The following RAB3B variants were observed in gnomAD, a reference collection of about 807,000 sequenced individuals.
The protein encoded by RAB3B is RAB3B, member RAS oncogene family, also known as ras-related protein Rab-3B.
A neutral mutation model predicts 20.5 loss-of-function variants in RAB3B; 11 were observed. That is an observed-to-expected ratio of 0.54 (90% confidence interval 0.34 to 0.89). The LOEUF (loss-of-function observed/expected upper bound fraction) is 0.89, where lower values mean the gene tolerates loss of function less well. Among genes scored for constraint, RAB3B ranks in the 40% least tolerant of loss-of-function variants. RAB3B has a pLI of 0.02. For missense variants in RAB3B, 225 were observed against 280.9 expected, an observed-to-expected ratio of 0.80 and a Z score of 1.42; for synonymous variants, 99 against 106.3, an observed-to-expected ratio of 0.93 and a Z score of 0.42.
intron 2 of RAB3B, among the ~76,000 whole-genome samples, chr1:51,955,147 C>A (rs947646208): frequency 6.6e-6 from 1 of 152,216 alleles, no homozygotes; most frequent in African/African-American, 2.4e-5. Context: ...TTCTTGTCAT[C>A]TCATGAGTTC....
Position 51,967,521 on chromosome 1 carries a change from C to CTTTTTTTTTTTTTCTTTTTT in RAB3B, c.228+9368_228+9369insAAAAAAGAAAAAAAAAAAAA, listed in dbSNP as rs771044746. Among the ~76,000 whole-genome samples the CTTTTTTTTTTTTTCTTTTTT allele has an allele frequency of 1.1e-4, 4 of 36,498 alleles. 1 individual carries two copies. The highest frequency in any genetic ancestry group is 1.7e-4 in the Non-Finnish European group (3 of 17,440). The allele number at this position is 36,498 out of a possible 152,430, so 23.9% of individuals were successfully genotyped here. On this transcript the variant is annotated intron_variant, in intron 2 of 4. Coordinates refer to ENST00000371655, the MANE Select transcript of RAB3B (RefSeq NM_002867.4). Reference sequence around the variant, plus strand: ...TTCCTTTTTCTTTTCTTTTCTTTTTCTTTTTTTTTTTTTTTTTTGAGATAG... The same window carrying CTTTTTTTTTTTTTCTTTTTT: ...TTCCTTTTTCTTTTCTTTTCTTTTTCTTTTTTTTTTTTTCTTTTTTTTTTTTTTTTTTTTTTTTGAGATAG...
chr1:51,969,614 A>T (rs1179834468), intron 2 of RAB3B, among the ~76,000 whole-genome samples: 1 of 62,312 alleles, frequency 1.6e-5, no homozygotes, highest in Non-Finnish European at 5.7e-5. Context: ...AATGAGTAAT[A>T]AGGCTTTTTT....
At chr1:51,960,052 C>A (rs1684765348) in intron 2 of RAB3B, among the ~76,000 whole-genome samples, 1 of 152,022 alleles carries the variant, frequency 6.6e-6, no homozygotes, top group Non-Finnish European at 1.5e-5. Context: ...GGATTTTAGG[C>A]ACTGGAGTGA....
At position 51,937,387 on chromosome 1, in the gene RAB3B, C is replaced by G. The variant is rs774989673; in HGVS notation, c.254G>C (p.Arg85Pro). 1 of 1,608,728 alleles carries G rather than the reference C, an allele frequency of 6.2e-7. No homozygotes were observed. Among genetic ancestry groups the G allele is most frequent in the African/African-American group, 1.3e-5 (1 of 74,648 alleles). Reference protein sequence around the residue: ...IWDTAGQERYRTITTAYYRGA... With the variant: ...IWDTAGQERYPTITTAYYRGA... ...ACGGTAATAGGCTGTTGTGATGGTC[C>G]GGTACCGCTCCTGCCCAGCTGTGTC... The change falls in exon 3 of 5, where the codon CGG becomes CCG. Residue 85 changes from arginine (R) to proline (P), a missense_variant. By Grantham distance (103) the Arg-to-Pro change is moderately radical. Coordinates refer to ENST00000371655, the MANE Select transcript of RAB3B (RefSeq NM_002867.4).
chr1:51,949,451 C>G (rs577246482), intron 2 of RAB3B, among the ~76,000 whole-genome samples: 2 of 152,330 alleles, frequency 1.3e-5, no homozygotes, highest in South Asian at 4.1e-4. Context: ...TGAGGGCAAG[C>G]TTCCAGCACA....
intron 2 of RAB3B, among the ~76,000 whole-genome samples, chr1:51,973,749 G>A (rs1353383000): frequency 1.3e-5 from 2 of 152,058 alleles, no homozygotes; most frequent in Non-Finnish European, 2.9e-5. Context: ...CACTTACCCA[G>A]GCACAAGAAA....
At chr1:51,971,436 C>CTTT (rs57994059) in intron 2 of RAB3B, among the ~76,000 whole-genome samples, 1 of 141,730 alleles carries the variant, frequency 7.1e-6, no homozygotes. Flanking sequence ...TTTTTCTTTT[C>CTTT]TTTTTTTTTT....
intron 2 of RAB3B, among the ~76,000 whole-genome samples, chr1:51,940,474 T>A (rs1403853793): frequency 1.3e-5 from 2 of 152,032 alleles, no homozygotes; most frequent in African/African-American, 4.8e-5. Flanking sequence ...AATACAAAAG[T>A]TAGCCAGGTG....
chr1:51,935,097 A>G (rs1684379756), intron 3 of RAB3B, among the ~76,000 whole-genome samples: 1 of 152,192 alleles, frequency 6.6e-6, no homozygotes, highest in South Asian at 2.1e-4. Flanking sequence ...CACAGAACAC[A>G]CAGCGAAGAA....
intron 2 of RAB3B, among the ~76,000 whole-genome samples, chr1:51,959,700 G>A (rs917794786): frequency 2.6e-5 from 4 of 151,986 alleles, no homozygotes; most frequent in Non-Finnish European, 5.9e-5. Flanking sequence ...AGGAGTAGTA[G>A]GTAAAATCTA....
chr1:51,923,094 T>G lies in RAB3B; in HGVS notation c.473-2980A>C, dbSNP rs562992633. 9.8e-5 allele frequency among the ~76,000 whole-genome samples: 15 copies of G among 152,328 alleles called. No homozygotes were observed. In the South Asian group the frequency reaches 3.1e-3, roughly 32 times the overall value. On this transcript the variant is annotated intron_variant, in intron 4 of 4. Transcript: ENST00000371655. ...ATCAATTATAGTTGTAGAAAAGACA[T>G]GCTAATAAAGGCATCAGTCTCTCCC...
intron 2 of RAB3B, among the ~76,000 whole-genome samples, chr1:51,941,627 T>C (rs1684496179): frequency 6.6e-6 from 1 of 152,228 alleles, no homozygotes; most frequent in African/African-American, 2.4e-5. Flanking sequence ...GGCTTCTCCA[T>C]GTCCTCAGCA....
In RAB3B at chr1:51,972,960, T is replaced by C. The variant is rs117122467; in HGVS notation, c.228+3930A>G. Among the ~76,000 whole-genome samples the C allele has an allele frequency of 9.9e-3, 1,509 of 152,340 alleles. 77 individuals are homozygous for C. The East Asian group carries it at 0.13, about 13-fold the overall frequency. On this transcript the variant is annotated intron_variant, in intron 2 of 4. Coordinates refer to ENST00000371655, the MANE Select transcript of RAB3B (RefSeq NM_002867.4). ...ATTTTTAGATAGCCTTTATGAGGTA[T>C]AATTGATACACAAAAAAATTCACTT...
chr1:51,970,557 C>T (rs191854315), intron 2 of RAB3B, among the ~76,000 whole-genome samples: 187 of 152,192 alleles, frequency 1.2e-3, no homozygotes, highest in African/African-American at 4.1e-3. Context: ...TGTGGGTGGC[C>T]CTGCTCAGCA....
intron 4 of RAB3B, among the ~76,000 whole-genome samples, chr1:51,932,556 T>A (rs576980570): frequency 6.6e-6 from 1 of 152,348 alleles, no homozygotes; most frequent in African/African-American, 2.4e-5. Flanking sequence ...AGGACACCGA[T>A]GAGCTACATA....
intron 2 of RAB3B, among the ~76,000 whole-genome samples, chr1:51,946,333 T>G (rs7514201): frequency 0.082 from 12,460 of 152,220 alleles, 874 homozygotes; most frequent in African/African-American, 0.18. Context: ...GCCCAGAGAA[T>G]CACTCCTGAA....
intron 4 of RAB3B, among the ~76,000 whole-genome samples, chr1:51,930,660 G>C (rs1024847201): frequency 6.6e-6 from 1 of 152,184 alleles, no homozygotes; most frequent in Admixed American, 6.6e-5. Context: ...GAAACACTTA[G>C]AATAAATAGT....
intron 4 of RAB3B, among the ~76,000 whole-genome samples, chr1:51,924,497 T>C (rs1357267967): frequency 2.0e-5 from 3 of 152,032 alleles, no homozygotes; most frequent in Non-Finnish European, 4.4e-5. Context: ...ACAGCATGAA[T>C]AGAGCACAGA....
chr1:51,952,822 C>T lies in RAB3B; in HGVS notation c.229-15410G>A, dbSNP rs750040358. 2.0e-5 allele frequency among the ~76,000 whole-genome samples: 3 copies of T among 151,950 alleles called. 1 individual carries two copies. Among genetic ancestry groups the T allele is most frequent in the African/African-American group, 7.3e-5 (3 of 41,358 alleles). On this transcript the variant is annotated intron_variant, in intron 2 of 4. Transcript: ENST00000371655. ...CCCAAACACACCCCTTTTCTGGAAA[C>T]TCCCTCTTTCCTCAGCTTCTGTGAA...
Sources: allele counts gnomAD v4.1 joint callset (sites outside exome capture counted in the v4.1 genomes callset), GRCh38; gene constraint gnomAD v4.1.1; transcripts MANE v1.5; gene names NCBI Gene and HGNC (gene_info 2026-07-23, HGNC 2026-07-21).